The following DGKZ variants were observed in gnomAD, a reference collection of about 807,000 sequenced individuals.
DGKZ encodes diacylglycerol kinase zeta.
A neutral mutation model predicts 142.5 loss-of-function variants in DGKZ; 45 were observed. The ratio of observed to expected loss-of-function variants is 0.32; its 90% CI spans 0.25 to 0.40. The LOEUF is 0.40. Among genes scored for constraint, DGKZ ranks in the 10% least tolerant of loss-of-function variants. DGKZ has a pLI of 1.00. For synonymous variants in DGKZ, 442 were observed against 527.0 expected (o/e 0.84, Z 2.21); for missense variants, 755 against 1,306.5 (o/e 0.58, Z 6.51).
chr11:46,375,517 A>G (rs749377480), exon 20 of DGKZ: 2 of 1,590,820 alleles, frequency 1.3e-6, no homozygotes, highest in Admixed American at 1.7e-5. Flanking sequence ...ATCCCGGTGC[A>G]GGTGGATGGC....
intron 1 of DGKZ, among the ~76,000 whole-genome samples, chr11:46,363,237 G>A (rs1942872369): frequency 6.6e-6 from 1 of 152,174 alleles, no homozygotes; most frequent in Non-Finnish European, 1.5e-5. Flanking sequence ...TGCTGACCAG[G>A]GACAGAGGTT....
chr11:46,357,049 A>T (rs1180886901), intron 1 of DGKZ, among the ~76,000 whole-genome samples: 2 of 152,102 alleles, frequency 1.3e-5, no homozygotes, highest in East Asian at 3.9e-4. Context: ...GTGCTTTAGG[A>T]TGAATTCTGA....
intron 1 of DGKZ, among the ~76,000 whole-genome samples, chr11:46,341,671 C>T (rs552303013): frequency 6.6e-6 from 1 of 152,284 alleles, no homozygotes; most frequent in South Asian, 2.1e-4. Flanking sequence ...GCGGCTCTTT[C>T]TACCTTCCCA....
intron 1 of DGKZ, among the ~76,000 whole-genome samples, chr11:46,356,143 C>T (rs939715832): frequency 2.0e-5 from 3 of 152,154 alleles, no homozygotes; most frequent in African/African-American, 4.8e-5. Flanking sequence ...AAGGATGGGA[C>T]GGTCACCAGA....
intron 1 of DGKZ, chr11:46,364,973 G>A: frequency 1.4e-5 from 14 of 985,460 alleles, no homozygotes; most frequent in Non-Finnish European, 1.4e-5. Context: ...TGGGGCACAG[G>A]TGGCCTCAGG....
intron 16 of DGKZ, 73 bp downstream of exon 16, chr11:46,374,527 A>G: frequency 6.2e-7 from 1 of 1,611,686 alleles, no homozygotes; most frequent in Non-Finnish European, 8.5e-7. Flanking sequence ...TGTGTCCACC[A>G]GGCCCCAGGA....
At chr11:46,358,360 T>C (rs779112083) in intron 1 of DGKZ, among the ~76,000 whole-genome samples, 6 of 152,182 alleles carry the variant, frequency 3.9e-5, no homozygotes, top group Non-Finnish European at 7.3e-5. Context: ...CAAACCAAAC[T>C]GTGATGAGGA....
chr11:46,333,395 G>A (rs1370108486), exon 1 of DGKZ: 8 of 1,491,576 alleles, frequency 5.4e-6, no homozygotes, highest in Non-Finnish European at 7.1e-6. Flanking sequence ...AGGTCGCGCA[G>A]CCCTGGCCCG....
chr11:46,352,575 G>C (rs1372410813), intron 1 of DGKZ, among the ~76,000 whole-genome samples: 2 of 152,178 alleles, frequency 1.3e-5, no homozygotes, highest in African/African-American at 4.8e-5. Context: ...GGACTCCCGC[G>C]CTGGGCTTCC....
intron 1 of DGKZ, among the ~76,000 whole-genome samples, chr11:46,349,893 T>C (rs1453152954): frequency 1.2e-4 from 18 of 151,194 alleles, no homozygotes; most frequent in Admixed American, 3.9e-4. Flanking sequence ...TACAGATTCC[T>C]AGATCTTCCC....
At chr11:46,371,586 C>T (rs750162208) in exon 8 of DGKZ, 29 of 1,610,172 alleles carry the variant, frequency 1.8e-5, no homozygotes, top group South Asian at 4.4e-5. Flanking sequence ...CTGGATCCTC[C>T]GCGCCCGGAG....
chr11:46,348,008 G>A (rs1940879119), intron 1 of DGKZ, among the ~76,000 whole-genome samples, 188 bp downstream of exon 1: 1 of 152,184 alleles, frequency 6.6e-6, no homozygotes, highest in South Asian at 2.1e-4. Context: ...CCCAGGGCCG[G>A]GACACGGGCG....
intron 1 of DGKZ, among the ~76,000 whole-genome samples, chr11:46,356,235 G>A (rs1363147267): frequency 6.6e-6 from 1 of 152,136 alleles, no homozygotes; most frequent in African/African-American, 2.4e-5. Context: ...TTCCCATCAG[G>A]GATCGGTTTC....
chr11:46,338,225 G>A (rs945377181), intron 1 of DGKZ, among the ~76,000 whole-genome samples: 1 of 152,146 alleles, frequency 6.6e-6, no homozygotes. Flanking sequence ...TGCCGGGCGT[G>A]GTGGCTCACG....
At chr11:46,373,711 T>G (rs1944242875) in intron 14 of DGKZ, among the ~76,000 whole-genome samples, 1 of 152,152 alleles carries the variant, frequency 6.6e-6, no homozygotes, top group Non-Finnish European at 1.5e-5. Flanking sequence ...TTGGTCAGCC[T>G]GGTTTTGAAC....
intron 1 of DGKZ, among the ~76,000 whole-genome samples, chr11:46,358,575 G>A (rs1942295065): frequency 6.6e-6 from 1 of 152,218 alleles, no homozygotes. Context: ...GCTCATATCT[G>A]TAATCCTATC....
rs781361412 is a variant in DGKZ at position 46,377,129 on chromosome 11, T to A, written c.2259T>A (p.Pro753=). The change falls in exon 25 of 31, where the codon CCT becomes CCA. Residue 753 remains proline, a synonymous_variant. Transcript: ENST00000527911. ...AGGATGAGATTTATATCCTGGACCC[T>A]GAGCTGCTGGGGGCATCGGCCCGGC... 6.2e-7 allele frequency: 1 copy of A among 1,613,314 alleles called. No homozygotes were observed. Among genetic ancestry groups the A allele is most frequent in the East Asian group, 2.2e-5 (1 of 44,864 alleles).
exon 28 of DGKZ, chr11:46,379,013 G>A: frequency 6.3e-7 from 1 of 1,581,124 alleles, no homozygotes; most frequent in South Asian, 1.1e-5. Context: ...CACCGAGCTG[G>A]GGGCGACCTC....
At chr11:46,364,396 T>A (rs1943029242) in intron 1 of DGKZ, 1 of 1,288,930 alleles carries the variant, frequency 7.8e-7, no homozygotes, top group Non-Finnish European at 1.0e-6. Context: ...GTGACACTGG[T>A]GATTTTGGGG....
Sources: allele counts gnomAD v4.1 joint callset (sites outside exome capture counted in the v4.1 genomes callset), GRCh38; gene constraint gnomAD v4.1.1; transcripts MANE v1.5; gene names NCBI Gene and HGNC (gene_info 2026-07-23, HGNC 2026-07-21).